Variants in SLC66A3 observed in about 807,000 individuals in gnomAD.
SLC66A3 encodes PQ loop repeat containing 3.
In SLC66A3, 23 loss-of-function variants were observed where a neutral mutation model predicts 25.5. The observed-to-expected ratio is 0.90, with a 90% CI of 0.65 to 1.28. The LOEUF is 1.28. Ranked by LOEUF, SLC66A3 falls within the 50% of genes most tolerant of loss-of-function variation. SLC66A3 has a pLI of 0.00. For synonymous variants in SLC66A3, 108 were observed against 112.6 expected (o/e 0.96, Z 0.26); for missense variants, 246 against 262.1 (o/e 0.94, Z 0.42).
At position 11,171,992 on chromosome 2, in the gene SLC66A3, A is replaced by T; in HGVS notation, c.422A>T (p.Asp141Val). The T allele has an allele frequency of 6.2e-7, 1 of 1,614,050 alleles. No homozygotes were observed. Among genetic ancestry groups the T allele is most frequent in the Non-Finnish European group, 8.5e-7 (1 of 1,179,966 alleles). ...CTCCAGTGTCTGTGGAAGACGAGAGACTCAGGAACTGTGAGTGCGCTGACT... is the reference window on the plus strand; with the variant it reads ...CTCCAGTGTCTGTGGAAGACGAGAGTCTCAGGAACTGTGAGTGCGCTGACT... ...AQLQCLWKTR[D>V]SGTVSALTWS... Residue 141 changes from aspartate to valine, a missense_variant, in exon 5 of 7, where the codon GAC becomes GTC. Coordinates refer to ENST00000295083, the MANE Select transcript of SLC66A3 (RefSeq NM_152391.5).
chr2:11,167,352 A>T (rs1351274637), intron 4 of SLC66A3, among the ~76,000 whole-genome samples: 1 of 152,146 alleles, frequency 6.6e-6, no homozygotes, highest in African/African-American at 2.4e-5. Flanking sequence ...CTGAGGCAGG[A>T]GAATCGCTTG....
In SLC66A3 at chr2:11,155,699, G is replaced by C. The variant is rs763169483; in HGVS notation, c.143+10G>C. On this transcript the variant is annotated intron_variant, in intron 1 of 6. Transcript: ENST00000295083. ...TTCTGGAGCTGGCAGGGTAAGGCCC[G>C]GGGCGGCCGGGGCTGCCTCCTGCCC... 41 of 1,389,420 alleles carry C rather than the reference G, an allele frequency of 3.0e-5. No individual in the cohort carries two copies. Among genetic ancestry groups the C allele is most frequent in the Non-Finnish European group, 3.7e-5 (40 of 1,074,282 alleles). 86.1% of individuals were successfully genotyped at this position (1,389,420 alleles called of 1,614,324 possible). A position where few individuals can be genotyped will look rare whatever the true frequency, so the allele number is the denominator to read the frequency against.
intron 1 of SLC66A3, chr2:11,160,150 G>A (rs1662064360): frequency 2.4e-6 from 1 of 413,990 alleles, no homozygotes. Flanking sequence ...GGCCCAGAAG[G>A]CCCAGTCTCA....
At chr2:11,165,119 CACCCCCCACCTCCCGGACGGGGCGGCTG>C (rs1662274415) in intron 4 of SLC66A3, among the ~76,000 whole-genome samples, 1 of 150,448 alleles carries the variant, frequency 6.6e-6, no homozygotes, top group African/African-American at 2.5e-5. Flanking sequence ...CGGGCAGAGG[CACCCCCCACCTCCCGGACGGGGCGGCTG>C]GCCGGGCGGG....
chr2:11,160,763 G>A lies in SLC66A3; in HGVS notation c.296+69G>A, dbSNP rs1662094234. On this transcript the variant is annotated intron_variant, in intron 3 of 6. Coordinates refer to ENST00000295083, the MANE Select transcript of SLC66A3 (RefSeq NM_152391.5). ...ATTTGTGAATGGTATGCATTGTGAA[G>A]CAGGCTCCTTTACCAGATGTGTATT... 3.1e-6 allele frequency: 5 copies of A among 1,608,648 alleles called. No individual in the cohort carries two copies. In the Admixed American group the frequency reaches 8.4e-5, roughly 27 times the overall value.
intron 3 of SLC66A3, 45 bp from the exon 4 acceptor site, chr2:11,164,159 G>C (rs748384436): frequency 8.3e-7 from 1 of 1,208,894 alleles, no homozygotes; most frequent in Non-Finnish European, 1.2e-6. Context: ...GGAGGGTGGC[G>C]CGGATGTGGG....
rs377238533 is a variant in SLC66A3 at position 11,160,451 on chromosome 2, C to G, written c.144-15C>G. On this transcript the variant is annotated splice_polypyrimidine_tract_variant and intron_variant, in intron 1 of 6. Coordinates refer to ENST00000295083, the MANE Select transcript of SLC66A3 (RefSeq NM_152391.5). ...TTTGGGGCAGCCGTGTGGACATGTG[C>G]CCTTCTCTCTCCAGATTCCTGGTGT... The G allele has an allele frequency of 6.2e-7, 1 of 1,612,984 alleles. No homozygotes were observed. Among genetic ancestry groups the G allele is most frequent in the Admixed American group, 1.7e-5 (1 of 60,028 alleles).
chr2:11,163,778 A>T (rs1036024494), intron 3 of SLC66A3, among the ~76,000 whole-genome samples: 2 of 152,260 alleles, frequency 1.3e-5, no homozygotes, highest in African/African-American at 4.8e-5. Context: ...TTGTGGGGAA[A>T]GGTGGAAGTC....
At chr2:11,158,492 C>G (rs1360372992) in intron 1 of SLC66A3, among the ~76,000 whole-genome samples, 2 of 152,228 alleles carry the variant, frequency 1.3e-5, no homozygotes, top group East Asian at 1.9e-4. Flanking sequence ...GAAACCCTGT[C>G]TCTACTAAAG....
rs1662154786 is a variant in SLC66A3 at position 11,162,273 on chromosome 2, C to T, written c.296+1579C>T. 2.6e-5 allele frequency among the ~76,000 whole-genome samples: 4 copies of T among 152,216 alleles called. 1 individual carries two copies. In the South Asian group the frequency reaches 8.3e-4, roughly 32 times the overall value. ...CCCCGAGTGGCAAGCTCTGCTGCCT[C>T]AGTTTCTGTCTGCGGAAAGAGGGAT... is the stretch of plus-strand genomic sequence containing the variant. On this transcript the variant is annotated intron_variant, in intron 3 of 6. Transcript: ENST00000295083.
In SLC66A3 at chr2:11,171,631, C is replaced by T. The variant is rs566254145; in HGVS notation, c.355-294C>T. ...TCACCCAGGCTGGAGTGCAGTGGCACGATCTCAACTCACTGCAAGCTCCAC... is the reference window on the plus strand; with the variant it reads ...TCACCCAGGCTGGAGTGCAGTGGCATGATCTCAACTCACTGCAAGCTCCAC... On this transcript the variant is annotated intron_variant, in intron 4 of 6. Transcript: ENST00000295083. Among the ~76,000 whole-genome samples the T allele has an allele frequency of 2.6e-5, 4 of 152,040 alleles. No individual in the cohort carries two copies. In the South Asian group the frequency reaches 8.3e-4, roughly 32 times the overall value.
Position 11,163,340 on chromosome 2 carries a change from A to G in SLC66A3, c.297-864A>G, listed in dbSNP as rs1572181066. ...CAGAATTGGTGGGGGGAGGAGTCAC[A>G]AAAATTAGATTTAAAAATTGAGTTA... On this transcript the variant is annotated intron_variant, in intron 3 of 6. Transcript: ENST00000295083. Among the ~76,000 whole-genome samples the G allele has an allele frequency of 3.3e-5, 5 of 152,294 alleles. 1 individual carries two copies. The South Asian group carries it at 1.0e-3, about 32-fold the overall frequency.
At position 11,168,124 on chromosome 2, in the gene SLC66A3, T is replaced by G. The variant is rs567411421; in HGVS notation, c.355-3801T>G. Among the ~76,000 whole-genome samples, 3 of 151,722 alleles carry G rather than the reference T, an allele frequency of 2.0e-5. No homozygotes were observed. In the East Asian group the frequency reaches 5.8e-4, roughly 29 times the overall value. ...TGAAACCTCGTCTCTACTAAAAATA[T>G]ATAAAAAAAAATTAGCCGGGTGTGG... On this transcript the variant is annotated intron_variant, in intron 4 of 6. Coordinates refer to ENST00000295083, the MANE Select transcript of SLC66A3 (RefSeq NM_152391.5).
chr2:11,176,518 G>T (rs189144197), intron 6 of SLC66A3, among the ~76,000 whole-genome samples: 1,447 of 142,410 alleles, frequency 0.01, 19 homozygotes, highest in African/African-American at 0.035. Flanking sequence ...GCCCGGCCTG[G>T]GAATAACTTT....
intron 5 of SLC66A3, among the ~76,000 whole-genome samples, chr2:11,174,062 C>A (rs1298846056): frequency 6.6e-6 from 1 of 152,092 alleles, no homozygotes; most frequent in Non-Finnish European, 1.5e-5. Context: ...TCAAGCGATT[C>A]TCCTGCCTCA....
chr2:11,176,604 C>T (rs1662757509), intron 6 of SLC66A3, among the ~76,000 whole-genome samples: 1 of 134,984 alleles, frequency 7.4e-6, no homozygotes, highest in African/African-American at 2.7e-5. Context: ...TCTCGGCTCA[C>T]TGCAAGCTCC....
chr2:11,158,927 G>A lies in SLC66A3; in HGVS notation c.144-1539G>A, dbSNP rs191112191. 7.2e-3 allele frequency among the ~76,000 whole-genome samples: 1,093 copies of A among 152,338 alleles called. 14 individuals are homozygous for A. Among genetic ancestry groups the A allele is most frequent in the African/African-American group, 0.024 (1,009 of 41,578 alleles). On this transcript the variant is annotated intron_variant, in intron 1 of 6. Coordinates refer to ENST00000295083, the MANE Select transcript of SLC66A3 (RefSeq NM_152391.5). ...ATCCCAGGGAAAGCAGGGAGTAGAC[G>A]GCAAAACCTGCAGGGGCAGCAACGG...
chr2:11,161,748 C>T (rs1278371035), intron 3 of SLC66A3, among the ~76,000 whole-genome samples: 1 of 152,180 alleles, frequency 6.6e-6, no homozygotes, highest in African/African-American at 2.4e-5. Context: ...CTTGAACTCC[C>T]GGACTCAAGC....
At chr2:11,155,899 GC>G (rs1235567662) in intron 1 of SLC66A3, among the ~76,000 whole-genome samples, 1 of 152,198 alleles carries the variant, frequency 6.6e-6, no homozygotes, top group East Asian at 1.9e-4. Flanking sequence ...TTCTCACCAA[GC>G]CCCGCGTGGC....
Sources: gnomAD v4.1 joint callset for allele counts (sites outside exome capture counted in the v4.1 genomes callset) on GRCh38, gnomAD v4.1.1 for gene constraint, MANE v1.5 for transcripts, NCBI Gene and HGNC (gene_info 2026-07-23, HGNC 2026-07-21) for gene names.